The following PKHD1 variants were observed in gnomAD, a reference collection of about 807,000 sequenced individuals.
PKHD1 encodes the protein fibrocystin.
PKHD1 carries 291 observed loss-of-function variants against 412.0 expected under a neutral mutation model. The ratio of observed to expected loss-of-function variants is 0.71; its 90% CI spans 0.64 to 0.78. The LOEUF (loss-of-function observed/expected upper bound fraction) is 0.78. PKHD1 is among the 30% of genes least tolerant of loss of function. The pLI is 0.00. For missense variants in PKHD1, 4,825 were observed against 4,950.7 expected (o/e 0.97, Z 0.76); for synonymous variants, 1,777 against 1,821.5 (o/e 0.98, Z 0.62).
chr6:51,641,297 A>T (rs1562006415), intron 63 of PKHD1, among the ~76,000 whole-genome samples: 1 of 152,214 alleles, frequency 6.6e-6, no homozygotes, highest in Non-Finnish European at 1.5e-5. Flanking sequence ...ATACTGATCC[A>T]AGTGAGCTAG....
At chr6:51,888,841 T>G (rs943527735) in intron 43 of PKHD1, among the ~76,000 whole-genome samples, 2 of 149,762 alleles carry the variant, frequency 1.3e-5, no homozygotes, top group Non-Finnish European at 3.0e-5. Context: ...CTCTTTATCA[T>G]CAGGGAGAAA....
At chr6:52,083,540 C>T (rs539336323) in intron 2 of PKHD1, among the ~76,000 whole-genome samples, 2 of 152,144 alleles carry the variant, frequency 1.3e-5, no homozygotes, top group African/African-American at 4.8e-5. Flanking sequence ...TTCAAAAACC[C>T]TGCACTCATC....
At chr6:51,905,145 T>C (rs1257653899) in intron 41 of PKHD1, among the ~76,000 whole-genome samples, 5 of 152,212 alleles carry the variant, frequency 3.3e-5, no homozygotes, top group African/African-American at 1.2e-4. Flanking sequence ...TAGAATTAAA[T>C]ATCAAACGGT....
At chr6:51,650,983 T>C (rs1398746840) in intron 61 of PKHD1, among the ~76,000 whole-genome samples, 1 of 152,134 alleles carries the variant, frequency 6.6e-6, no homozygotes, top group Non-Finnish European at 1.5e-5. Flanking sequence ...ATTTCTCCCC[T>C]AACCTTTTCC....
chr6:51,831,892 C>G (rs948342171), intron 51 of PKHD1, among the ~76,000 whole-genome samples: 1 of 152,122 alleles, frequency 6.6e-6, no homozygotes, highest in Non-Finnish European at 1.5e-5. Context: ...TCACGCACAA[C>G]ACCATGCTGA....
intron 60 of PKHD1, among the ~76,000 whole-genome samples, chr6:51,715,890 G>A (rs1045145676): frequency 2.6e-5 from 4 of 152,206 alleles, no homozygotes; most frequent in Non-Finnish European, 5.9e-5. Flanking sequence ...TTATATCTGA[G>A]AAAGGACAGG....
intron 35 of PKHD1, among the ~76,000 whole-genome samples, chr6:51,973,650 G>T (rs1793979127): frequency 6.6e-6 from 1 of 152,070 alleles, no homozygotes. Flanking sequence ...CATACTAAAG[G>T]TTTATCAAAG....
intron 63 of PKHD1, among the ~76,000 whole-genome samples, chr6:51,639,944 G>A (rs1210965158): frequency 6.6e-6 from 1 of 152,144 alleles, no homozygotes; most frequent in South Asian, 2.1e-4. Context: ...CAATTTTGCA[G>A]AGCTAACTAA....
chr6:51,741,297 A>G (rs1469809263), intron 60 of PKHD1: 1 of 484,212 alleles, frequency 2.1e-6, no homozygotes, highest in Non-Finnish European at 4.1e-6. Flanking sequence ...TATTTTTGGC[A>G]CTCACCTTCA....
At chr6:51,868,292 T>C (rs1277128145) in intron 47 of PKHD1, among the ~76,000 whole-genome samples, 183 bp from the exon 48 acceptor site, 4 of 152,170 alleles carry the variant, frequency 2.6e-5, no homozygotes, top group African/African-American at 9.6e-5. Context: ...TACCAAGCTC[T>C]GGTGTGCTAG....
At chr6:51,827,348 G>A (rs550091814) in intron 52 of PKHD1, among the ~76,000 whole-genome samples, 17 of 152,134 alleles carry the variant, frequency 1.1e-4, no homozygotes, top group East Asian at 7.7e-4. Flanking sequence ...AACTCTATGC[G>A]TTGGTCATGT....
intron 52 of PKHD1, among the ~76,000 whole-genome samples, chr6:51,822,756 T>C (rs1169314195): frequency 6.6e-6 from 1 of 152,214 alleles, no homozygotes; most frequent in Non-Finnish European, 1.5e-5. Flanking sequence ...CTCCTTTACA[T>C]GCATCCTCTA....
chr6:51,950,636 C>T (rs1400283693), intron 36 of PKHD1, among the ~76,000 whole-genome samples: 1 of 152,088 alleles, frequency 6.6e-6, no homozygotes, highest in Non-Finnish European at 1.5e-5. Context: ...CCAGGTGATG[C>T]CAGTGCTGCT....
chr6:52,014,365 C>G (rs1800187710), intron 34 of PKHD1, among the ~76,000 whole-genome samples: 1 of 152,214 alleles, frequency 6.6e-6, no homozygotes, highest in South Asian at 2.1e-4. Flanking sequence ...CGTGATCATC[C>G]TGTTTATTAT....
At chr6:51,654,194 C>T (rs1405370691) in intron 61 of PKHD1, among the ~76,000 whole-genome samples, 1 of 152,016 alleles carries the variant, frequency 6.6e-6, no homozygotes, top group Non-Finnish European at 1.5e-5. Context: ...AAACCTTGAC[C>T]ACCTAATAAA....
chr6:51,769,657 T>C (rs1381535682), intron 55 of PKHD1, among the ~76,000 whole-genome samples: 3 of 151,308 alleles, frequency 2.0e-5, no homozygotes, highest in East Asian at 1.9e-4. Context: ...ATTAGACTTA[T>C]GGGTTATTTT....
At chr6:51,629,315 T>A (rs1346855796) in intron 65 of PKHD1, among the ~76,000 whole-genome samples, 1 of 152,020 alleles carries the variant, frequency 6.6e-6, no homozygotes, top group East Asian at 1.9e-4. Context: ...AAACTATGCA[T>A]CTGACAAAGG....
intron 11 of PKHD1, 79 bp from the exon 12 acceptor site, chr6:52,066,156 G>T (rs1376324471): frequency 1.5e-5 from 10 of 672,026 alleles, no homozygotes; most frequent in Non-Finnish European, 2.6e-5. Flanking sequence ...ATAATAATAG[G>T]AGATATTAAT....
intron 60 of PKHD1, among the ~76,000 whole-genome samples, chr6:51,742,079 A>T (rs1784624352): frequency 6.6e-6 from 1 of 152,168 alleles, no homozygotes; most frequent in Non-Finnish European, 1.5e-5. Flanking sequence ...GAGTAGATCT[A>T]GGGGTAAATA....
Sources: gnomAD v4.1 joint callset for allele counts (sites outside exome capture counted in the v4.1 genomes callset) on GRCh38, gnomAD v4.1.1 for gene constraint, MANE v1.5 for transcripts, NCBI Gene and HGNC (gene_info 2026-07-23, HGNC 2026-07-21) for gene names.